FRK: variants seen among roughly 807,000 people sequenced by gnomAD.
FRK encodes the protein fyn related Src family tyrosine kinase.
FRK carries 51 observed loss-of-function variants against 56.4 expected under a neutral mutation model. That is an observed-to-expected ratio of 0.90 (90% CI 0.72 to 1.14). FRK has a LOEUF of 1.14. Ranked by LOEUF, FRK falls within the 50% of genes most tolerant of loss-of-function variation. The pLI is 0.00. For synonymous variants in FRK, 245 were observed against 217.9 expected, an observed-to-expected ratio of 1.12 and a Z score of -1.10; for missense variants, 570 against 601.4, an observed-to-expected ratio of 0.95 and a Z score of 0.55.
In FRK at chr6:116,060,749, T is replaced by C; in HGVS notation, c.-438A>G. The C allele has an allele frequency of 6.2e-6, 1 of 162,030 alleles. No homozygotes were observed. The highest frequency in any genetic ancestry group is 1.4e-5 in the Non-Finnish European group (1 of 73,978). 10.0% of individuals were successfully genotyped at this position (162,030 alleles called of 1,614,324 possible). A position where few individuals can be genotyped will look rare whatever the true frequency, so the allele number is the denominator to read the frequency against. On this transcript the variant is annotated 5_prime_UTR_variant, in exon 1 of 8. Coordinates refer to ENST00000606080, the MANE Select transcript of FRK (RefSeq NM_002031.3). ...CCCTGGTAAAACCTCCACGTCTTGCTTTCGCCAGGAGCTCTCCCCCTGTTT... is the reference window on the plus strand; with the variant it reads ...CCCTGGTAAAACCTCCACGTCTTGCCTTCGCCAGGAGCTCTCCCCCTGTTT...
chr6:116,004,429 G>A (rs967327835), intron 1 of FRK, among the ~76,000 whole-genome samples: 2 of 152,046 alleles, frequency 1.3e-5, no homozygotes, highest in Non-Finnish European at 2.9e-5. Context: ...CCAATCAAAG[G>A]ATCCATGTAC....
At chr6:115,978,514 G>A (rs1441340264) in intron 2 of FRK, among the ~76,000 whole-genome samples, 1 of 152,160 alleles carries the variant, frequency 6.6e-6, no homozygotes, top group African/African-American at 2.4e-5. Context: ...AGCGCTCACA[G>A]TAAAGAAGTA....
intron 1 of FRK, chr6:116,039,247 C>A (rs1776619821): frequency 6.7e-7 from 1 of 1,490,736 alleles, no homozygotes; most frequent in Non-Finnish European, 9.3e-7. Flanking sequence ...GGCCTGCGAG[C>A]CTGTGTGGGC....
At chr6:116,075,466 A>G in the FRK span, among the ~76,000 whole-genome samples, 995 of 22,844 alleles carry the variant, frequency 0.044, 6 homozygotes, top group East Asian at 0.23. Flanking sequence ...GAGCTGGGGG[A>G]AAAAAAAAAA....
chr6:116,002,590 G>A, intron 2 of FRK: 2 of 405,026 alleles, frequency 4.9e-6, no homozygotes, highest in Non-Finnish European at 1.0e-5. Flanking sequence ...TAGCCATAGA[G>A]CGACACTCCG....
rs758822095 is a variant in FRK at position 116,060,189 on chromosome 6, C to T, written c.123G>A (p.Gln41=). The change falls in exon 1 of 8, where the codon CAG becomes CAA. Residue 41 remains glutamine, a synonymous_variant. Coordinates refer to ENST00000606080, the MANE Select transcript of FRK (RefSeq NM_002031.3). ...AAGCCACAAAGTAGTGGCCATGCCT[C>T]TGTGACTGGGGAGAGCAAAGGGCCC... The part of the protein sequence containing the change: ...NPGALCSPQS[Q]RHGHYFVALF... 2 of 1,614,222 alleles carry T rather than the reference C, an allele frequency of 1.2e-6. No individual in the cohort carries two copies. The highest frequency in any genetic ancestry group is 4.5e-5 in the East Asian group (2 of 44,884).
At chr6:116,067,012 T>C in the FRK span, among the ~76,000 whole-genome samples, 2 of 152,186 alleles carry the variant, frequency 1.3e-5, no homozygotes, top group African/African-American at 4.8e-5. Context: ...ATACGGTCTT[T>C]ACAGAGGTAA....
chr6:116,072,062 T>C, the FRK span, among the ~76,000 whole-genome samples: 8 of 152,292 alleles, frequency 5.3e-5, no homozygotes, highest in South Asian at 2.1e-4. Context: ...GTAACCTAAA[T>C]AGAATTTGTG....
At chr6:116,087,713 T>C in the FRK span, among the ~76,000 whole-genome samples, 4 of 152,324 alleles carry the variant, frequency 2.6e-5, no homozygotes, top group East Asian at 1.9e-4. Flanking sequence ...TTCTTATAGA[T>C]TGGAATAAAT....
rs531870525 is a variant in FRK, at chr6:115,940,066, C to G, written c.*2348G>C. 1 of 152,176 alleles carries G rather than the reference C, an allele frequency of 6.6e-6. No individual in the cohort carries two copies. The highest frequency in any genetic ancestry group is 1.5e-5 in the Non-Finnish European group (1 of 68,048). 9.4% of individuals were successfully genotyped at this position (152,176 alleles called of 1,614,324 possible). A position where few individuals can be genotyped will look rare whatever the true frequency, so the allele number is the denominator to read the frequency against. ...AACAAAGTTATAGGCATCATGCTAC[C>G]TGACTTCAAACTATACTACAAGGCT... On this transcript the variant is annotated 3_prime_UTR_variant, in exon 8 of 8. Coordinates refer to ENST00000606080, the MANE Select transcript of FRK (RefSeq NM_002031.3).
In FRK at chr6:115,968,013, G is replaced by A. The variant is rs146094138; in HGVS notation, c.631-294C>T. Among the ~76,000 whole-genome samples the A allele has an allele frequency of 4.7e-3, 708 of 152,028 alleles. 5 individuals are homozygous for A. The highest frequency in any genetic ancestry group is 0.011 in the South Asian group (54 of 4,810). ...TGGAATGACTTCTCCCTACCTCTTC[G>A]CCTAGCTAAATCCTCTCAGTTTCAA... On this transcript the variant is annotated intron_variant, in intron 3 of 7. Transcript: ENST00000606080.
chr6:115,974,262 G>C (rs1773914058), intron 2 of FRK, among the ~76,000 whole-genome samples: 1 of 152,176 alleles, frequency 6.6e-6, no homozygotes, highest in South Asian at 2.1e-4. Context: ...CTCCAAGCTA[G>C]AGACTAAAGT....
chr6:116,093,863 A>C, the FRK span, among the ~76,000 whole-genome samples: 2 of 152,196 alleles, frequency 1.3e-5, no homozygotes, highest in South Asian at 4.1e-4. Flanking sequence ...TTTATTACCC[A>C]ATCAGCCACA....
chr6:116,046,045 C>T (rs1776944581), intron 1 of FRK, among the ~76,000 whole-genome samples: 1 of 152,174 alleles, frequency 6.6e-6, no homozygotes, highest in South Asian at 2.1e-4. Flanking sequence ...TGAAAAAAAG[C>T]TCATCATCAC....
At chr6:115,948,270 G>T (rs1385386197) in intron 5 of FRK, among the ~76,000 whole-genome samples, 1 of 152,116 alleles carries the variant, frequency 6.6e-6, no homozygotes, top group Non-Finnish European at 1.5e-5. Flanking sequence ...AGCCCAGGAG[G>T]AAGCGACACC....
Position 116,059,168 on chromosome 6 carries a change from GTGGA to G in FRK, c.344+796_344+799del, listed in dbSNP as rs571613998. On this transcript the variant is annotated intron_variant, in intron 1 of 7. Transcript: ENST00000606080. ...TGCCTGGCACTTGGAGGGGTGGTAG[GTGGA>G]TGGATGGATGGATGGATGGATGGGT... Among the ~76,000 whole-genome samples, 573 of 152,100 alleles carry G rather than the reference GTGGA, an allele frequency of 3.8e-3. 3 individuals carry two copies. The highest frequency in any genetic ancestry group is 0.013 in the African/African-American group (533 of 41,482).
the FRK span, among the ~76,000 whole-genome samples, chr6:116,067,330 A>G: frequency 6.6e-6 from 1 of 152,328 alleles, no homozygotes; most frequent in South Asian, 2.1e-4. Flanking sequence ...GTACTTTATT[A>G]CAGCAGCCCA....
chr6:116,039,900 T>C (rs1776647712), intron 1 of FRK, among the ~76,000 whole-genome samples: 1 of 148,748 alleles, frequency 6.7e-6, no homozygotes, highest in Non-Finnish European at 1.5e-5. Flanking sequence ...GTGTGTGCTG[T>C]GTATGTGAAC....
At chr6:116,096,848 G>A in the FRK span, among the ~76,000 whole-genome samples, 1 of 152,090 alleles carries the variant, frequency 6.6e-6, no homozygotes, top group African/African-American at 2.4e-5. Flanking sequence ...TCACTCTTTG[G>A]GTCCATGCCA....
Sources: gnomAD v4.1 joint callset for allele counts (sites outside exome capture counted in the v4.1 genomes callset) on GRCh38, gnomAD v4.1.1 for gene constraint, MANE v1.5 for transcripts, NCBI Gene and HGNC (gene_info 2026-07-23, HGNC 2026-07-21) for gene names.